Variants in CADPS2 observed in about 807,000 individuals in gnomAD.
The protein encoded by CADPS2 is calcium-dependent secretion activator 2.
A neutral mutation model predicts 172.5 loss-of-function variants in CADPS2; 93 were observed. The observed-to-expected ratio is 0.54, with a 90% CI of 0.46 to 0.64. The LOEUF (loss-of-function observed/expected upper bound fraction) is 0.64, where lower values mean the gene tolerates loss of function less well. Ranked by LOEUF, CADPS2 falls within the 30% of genes least tolerant of loss-of-function variation. The pLI, the probability that CADPS2 is intolerant of heterozygous loss-of-function variation, is 0.00. For synonymous variants in CADPS2, 546 were observed against 555.2 expected (o/e 0.98, Z 0.23); for missense variants, 1,420 against 1,565.9 (o/e 0.91, Z 1.57).
At chr7:122,359,647 C>T (rs146504351) in intron 27 of CADPS2, among the ~76,000 whole-genome samples, 1 of 152,096 alleles carries the variant, frequency 6.6e-6, no homozygotes, top group South Asian at 2.1e-4. Flanking sequence ...AAAATCTCCC[C>T]TTAATTCTCC....
At chr7:122,793,792 T>C (rs1160001508) in intron 1 of CADPS2, among the ~76,000 whole-genome samples, 6 of 152,168 alleles carry the variant, frequency 3.9e-5, no homozygotes, top group Non-Finnish European at 7.4e-5. Context: ...GACTTAGTGC[T>C]TCCTTCAGGA....
intron 6 of CADPS2, among the ~76,000 whole-genome samples, chr7:122,598,319 G>A (rs996338929): frequency 3.3e-5 from 5 of 151,604 alleles, no homozygotes; most frequent in Admixed American, 3.3e-4. Context: ...TTAAATGAGA[G>A]TATTATAATA....
At chr7:122,616,840 T>C (rs35131640) in intron 5 of CADPS2, among the ~76,000 whole-genome samples, 21,492 of 152,112 alleles carry the variant, frequency 0.14, 1,637 homozygotes, top group African/African-American at 0.19. Flanking sequence ...TAGATTCTTA[T>C]ACAAAATGAA....
intron 28 of CADPS2, among the ~76,000 whole-genome samples, chr7:122,334,527 G>A (rs886747215): frequency 6.6e-6 from 1 of 152,162 alleles, no homozygotes; most frequent in Non-Finnish European, 1.5e-5. Context: ...AGCTTGTTTG[G>A]GAGCTGATAT....
intron 2 of CADPS2, among the ~76,000 whole-genome samples, chr7:122,726,700 T>G (rs2091123230): frequency 6.6e-6 from 1 of 150,690 alleles, no homozygotes; most frequent in Non-Finnish European, 1.5e-5. Context: ...ATGGGATTAT[T>G]TACTCTTAAA....
intron 7 of CADPS2, among the ~76,000 whole-genome samples, chr7:122,565,792 A>G (rs140173598): frequency 2.3e-4 from 35 of 152,296 alleles, no homozygotes; most frequent in Admixed American, 6.5e-4. Context: ...TGTACTGAGA[A>G]CATTTAAGAT....
intron 6 of CADPS2, among the ~76,000 whole-genome samples, chr7:122,613,426 T>A (rs535130895): frequency 6.6e-6 from 1 of 152,230 alleles, no homozygotes; most frequent in East Asian, 1.9e-4. Flanking sequence ...ACATTTAGCT[T>A]TCCATATGAA....
chr7:122,720,520 A>G (rs2090243747), intron 2 of CADPS2, among the ~76,000 whole-genome samples: 1 of 151,160 alleles, frequency 6.6e-6, no homozygotes. Flanking sequence ...GTATATATAC[A>G]TATGTGTATG....
intron 1 of CADPS2, among the ~76,000 whole-genome samples, chr7:122,746,041 A>C (rs1482838463): frequency 6.6e-6 from 1 of 152,158 alleles, no homozygotes; most frequent in Non-Finnish European, 1.5e-5. Flanking sequence ...TCATCTATAT[A>C]ATAAGGCAGT....
intron 1 of CADPS2, among the ~76,000 whole-genome samples, chr7:122,789,116 G>A (rs1794708990): frequency 6.6e-6 from 1 of 152,140 alleles, no homozygotes; most frequent in African/African-American, 2.4e-5. Context: ...CTCGGCTTGG[G>A]TGCACTGATT....
At chr7:122,871,472 C>CAA (rs139978599) in intron 1 of CADPS2, among the ~76,000 whole-genome samples, 1 of 144,406 alleles carries the variant, frequency 6.9e-6, no homozygotes, top group African/African-American at 2.5e-5. Context: ...TTCCCCCCCA[C>CAA]AAAAAAAAAA....
chr7:122,652,851 T>C (rs542804206), intron 3 of CADPS2, among the ~76,000 whole-genome samples: 67 of 152,322 alleles, frequency 4.4e-4, no homozygotes, highest in African/African-American at 1.6e-3. Flanking sequence ...TTTGTCTTTC[T>C]ATTATCCCTA....
intron 25 of CADPS2, among the ~76,000 whole-genome samples, chr7:122,376,598 T>A (rs912319989): frequency 1.3e-5 from 2 of 152,118 alleles, no homozygotes; most frequent in African/African-American, 4.8e-5. Context: ...GAGATATTTG[T>A]CAAAAGCAGT....
chr7:122,568,509 A>G (rs1484312253), intron 7 of CADPS2, among the ~76,000 whole-genome samples: 1 of 152,130 alleles, frequency 6.6e-6, no homozygotes, highest in East Asian at 1.9e-4. Flanking sequence ...TATTTACACC[A>G]AAGAGCTCAA....
chr7:122,884,359 A>G (rs1044052933), intron 1 of CADPS2, among the ~76,000 whole-genome samples: 3 of 152,204 alleles, frequency 2.0e-5, no homozygotes, highest in African/African-American at 7.2e-5. Context: ...GCAGCTGATT[A>G]GGAAGTATGG....
intron 6 of CADPS2, among the ~76,000 whole-genome samples, chr7:122,596,946 T>C (rs1180639764): frequency 6.6e-6 from 1 of 152,052 alleles, no homozygotes; most frequent in East Asian, 1.9e-4. Flanking sequence ...ATCAGGCTGC[T>C]TCCACACCTG....
chr7:122,455,209 T>A (rs913764471), intron 14 of CADPS2, among the ~76,000 whole-genome samples: 1 of 152,238 alleles, frequency 6.6e-6, no homozygotes, highest in East Asian at 1.9e-4. Flanking sequence ...TTGCAAGTGC[T>A]GCTGCTTCTG....
At position 122,752,679 on chromosome 7, in the gene CADPS2, T is replaced by C. The variant is rs557236170; in HGVS notation, c.340-15611A>G. On this transcript the variant is annotated intron_variant, in intron 1 of 29. Coordinates refer to ENST00000449022, the MANE Select transcript of CADPS2 (RefSeq NM_017954.11). ...TACCAAAATGCCTAGTGTTCTACAA[T>C]GACAAACCCTTTCAGTTATGGTATT... Among the ~76,000 whole-genome samples, 583 of 152,224 alleles carry C rather than the reference T, an allele frequency of 3.8e-3. 1 individual carries two copies. Among genetic ancestry groups the C allele is most frequent in the Non-Finnish European group, 6.7e-3 (454 of 68,016 alleles).
intron 8 of CADPS2, among the ~76,000 whole-genome samples, chr7:122,552,709 T>A (rs1057132227): frequency 4.0e-5 from 6 of 151,588 alleles, no homozygotes; most frequent in Admixed American, 3.9e-4. Flanking sequence ...GGTCCAGGAG[T>A]ATTCACCATG....
Sources: gnomAD v4.1 joint callset for allele counts (sites outside exome capture counted in the v4.1 genomes callset) on GRCh38, gnomAD v4.1.1 for gene constraint, MANE v1.5 for transcripts, NCBI Gene and HGNC (gene_info 2026-07-23, HGNC 2026-07-21) for gene names.